Variants in SH3RF3 observed in about 807,000 individuals in gnomAD.
SH3RF3 encodes SH3 domain containing ring finger 3.
SH3RF3 carries 29 observed loss-of-function variants against 66.3 expected under a neutral mutation model. The observed-to-expected ratio is 0.44, with a 90% confidence interval of 0.33 to 0.60. The LOEUF (loss-of-function observed/expected upper bound fraction) is 0.60. Among genes scored for constraint, SH3RF3 ranks in the 20% least tolerant of loss-of-function variants. The probability of loss-of-function intolerance (pLI) is 0.04; values close to 1 mark genes in which losing one functional copy is unlikely to be tolerated. For missense variants in SH3RF3, 1,194 were observed against 1,190.9 expected, an observed-to-expected ratio of 1.00 and a Z score of -0.04; for synonymous variants, 583 against 532.0, an observed-to-expected ratio of 1.10 and a Z score of -1.32.
intron 1 of SH3RF3, among the ~76,000 whole-genome samples, chr2:109,342,341 G>A (rs1469393213): frequency 1.3e-5 from 2 of 152,204 alleles, no homozygotes; most frequent in African/African-American, 4.8e-5. Context: ...GGACTGGTTT[G>A]CTAGTCTGTG....
chr2:109,273,713 C>A (rs1223161885), intron 1 of SH3RF3, among the ~76,000 whole-genome samples: 1 of 152,192 alleles, frequency 6.6e-6, no homozygotes, highest in Admixed American at 6.5e-5. Context: ...AGATCTATCA[C>A]GTTGCAGGGT....
intron 1 of SH3RF3, among the ~76,000 whole-genome samples, chr2:109,141,144 C>T (rs1054004337): frequency 6.6e-6 from 1 of 152,196 alleles, no homozygotes; most frequent in Non-Finnish European, 1.5e-5. Context: ...ACCACACCCC[C>T]CGGAGCCCAG....
At chr2:109,370,102 G>A (rs573983765) in intron 2 of SH3RF3, among the ~76,000 whole-genome samples, 11 of 152,296 alleles carry the variant, frequency 7.2e-5, no homozygotes, top group South Asian at 2.1e-4. Flanking sequence ...CCTGACTGCC[G>A]AAGGAGGGAT....
At chr2:109,212,121 A>G (rs904273694) in intron 1 of SH3RF3, among the ~76,000 whole-genome samples, 13 of 152,178 alleles carry the variant, frequency 8.5e-5, no homozygotes, top group African/African-American at 1.4e-4. Context: ...TTGCCGGGCA[A>G]TGGTCCGAAT....
intron 1 of SH3RF3, among the ~76,000 whole-genome samples, chr2:109,132,832 T>A (rs899295571): frequency 1.3e-5 from 2 of 152,258 alleles, no homozygotes; most frequent in African/African-American, 2.4e-5. Flanking sequence ...TCAATCAAAT[T>A]GTTTCAGTGC....
At chr2:109,334,359 A>T (rs1432172643) in intron 1 of SH3RF3, among the ~76,000 whole-genome samples, 3 of 30,582 alleles carry the variant, frequency 9.8e-5, no homozygotes, top group African/African-American at 9.6e-4. Context: ...TTTTTCCTTT[A>T]AAAAAAAAAA....
In SH3RF3 at chr2:109,432,688, G is replaced by A; in HGVS notation, c.1574+17G>A. On this transcript the variant is annotated intron_variant, in intron 6 of 9. Transcript: ENST00000309415. ...CGTTTCCAGGTGAGGGCATGGTGGT[G>A]GCAGCCTGGGCAAGGAGAGGGCAAG... 1 of 1,603,618 alleles carries A rather than the reference G, an allele frequency of 6.2e-7. No individual in the cohort carries two copies. Among genetic ancestry groups the A allele is most frequent in the Non-Finnish European group, 8.5e-7 (1 of 1,175,140 alleles).
chr2:109,151,799 C>G (rs1437828734), intron 1 of SH3RF3, among the ~76,000 whole-genome samples: 1 of 152,224 alleles, frequency 6.6e-6, no homozygotes, highest in East Asian at 1.9e-4. Context: ...TTTTATGACT[C>G]TAATAGATTT....
At chr2:109,167,598 G>T (rs1260539408) in intron 1 of SH3RF3, among the ~76,000 whole-genome samples, 1 of 152,138 alleles carries the variant, frequency 6.6e-6, no homozygotes, top group Admixed American at 6.5e-5. Context: ...TTTTGAGACA[G>T]TGTTGCTCTG....
intron 1 of SH3RF3, among the ~76,000 whole-genome samples, chr2:109,340,356 A>G (rs1682532086): frequency 1.3e-5 from 2 of 152,242 alleles, no homozygotes; most frequent in Non-Finnish European, 2.9e-5. Context: ...TGCTCAGGAC[A>G]GGAAGGGGCA....
At position 109,338,023 on chromosome 2, in the gene SH3RF3, C is replaced by T. The variant is rs141496528; in HGVS notation, c.574-9651C>T. Among the ~76,000 whole-genome samples the T allele has an allele frequency of 1.3e-3, 191 of 152,196 alleles. 4 individuals are homozygous for T. In the East Asian group the frequency reaches 0.029, roughly 23 times the overall value. Reference sequence around the variant, plus strand: ...TTGGGATTACAGGCGTGAGCCACCGCGCCCAGGCTCCTTCTGTTTTTGATG... The same window carrying T: ...TTGGGATTACAGGCGTGAGCCACCGTGCCCAGGCTCCTTCTGTTTTTGATG... On this transcript the variant is annotated intron_variant, in intron 1 of 9. Coordinates refer to ENST00000309415, the MANE Select transcript of SH3RF3 (RefSeq NM_001099289.3).
At chr2:109,496,013 A>C (rs1679248525) in intron 9 of SH3RF3, among the ~76,000 whole-genome samples, 1 of 152,184 alleles carries the variant, frequency 6.6e-6, no homozygotes, top group Non-Finnish European at 1.5e-5. Context: ...CTTCGCGGTG[A>C]AGAGCAAAGG....
chr2:109,221,479 A>G (rs1029377662), intron 1 of SH3RF3, among the ~76,000 whole-genome samples: 2 of 150,642 alleles, frequency 1.3e-5, no homozygotes, highest in African/African-American at 4.9e-5. Flanking sequence ...GCTACTCGGG[A>G]GGCTGAGGCA....
intron 1 of SH3RF3, among the ~76,000 whole-genome samples, chr2:109,264,971 C>T (rs1225098458): frequency 6.6e-6 from 1 of 152,178 alleles, no homozygotes; most frequent in African/African-American, 2.4e-5. Flanking sequence ...GACTAGGGAA[C>T]ATGCATCAGA....
intron 1 of SH3RF3, among the ~76,000 whole-genome samples, chr2:109,274,236 G>A (rs1291344553): frequency 1.3e-5 from 2 of 152,164 alleles, no homozygotes; most frequent in Non-Finnish European, 2.9e-5. Flanking sequence ...AAGTTCATTG[G>A]TCCTAAACAT....
chr2:109,345,463 G>A (rs146439212), intron 1 of SH3RF3, among the ~76,000 whole-genome samples: 2 of 152,290 alleles, frequency 1.3e-5, no homozygotes, highest in East Asian at 1.9e-4. Context: ...AACAGCCACC[G>A]AGTCTGTAGC....
chr2:109,321,083 A>G (rs1462032291), intron 1 of SH3RF3, among the ~76,000 whole-genome samples: 1 of 152,246 alleles, frequency 6.6e-6, no homozygotes, highest in Non-Finnish European at 1.5e-5. Context: ...ATTACTACTG[A>G]TAATGATTAG....
At chr2:109,425,216 T>G (rs1238148071) in intron 5 of SH3RF3, among the ~76,000 whole-genome samples, 1 of 152,192 alleles carries the variant, frequency 6.6e-6, no homozygotes. Context: ...AGGAGGAAAG[T>G]TTGAAGCTAG....
At chr2:109,228,177 C>T (rs1482946941) in intron 1 of SH3RF3, among the ~76,000 whole-genome samples, 2 of 152,182 alleles carry the variant, frequency 1.3e-5, no homozygotes, top group Non-Finnish European at 2.9e-5. Flanking sequence ...CATGGTGCTA[C>T]TTGCTTATAA....
Sources: allele counts gnomAD v4.1 joint callset (sites outside exome capture counted in the v4.1 genomes callset), GRCh38; gene constraint gnomAD v4.1.1; transcripts MANE v1.5; gene names NCBI Gene and HGNC (gene_info 2026-07-23, HGNC 2026-07-21).